ERBB4: variants seen among roughly 807,000 people sequenced by gnomAD.
ERBB4 encodes the protein erb-b2 receptor tyrosine kinase 4, also known as receptor tyrosine-protein kinase erbB-4.
ERBB4 carries 42 observed loss-of-function variants against 158.0 expected under a neutral mutation model. That is an observed-to-expected ratio of 0.27 (90% CI 0.21 to 0.34). ERBB4 has a LOEUF of 0.34. Among genes scored for constraint, ERBB4 ranks in the 10% least tolerant of loss-of-function variants. ERBB4 has a pLI of 1.00. For missense variants in ERBB4, 1,333 were observed against 1,624.1 expected (o/e 0.82, Z 3.08); for synonymous variants, 583 against 558.7 (o/e 1.04, Z -0.61).
At chr2:211,480,726 A>T (rs1037734302) in intron 20 of ERBB4, among the ~76,000 whole-genome samples, 1 of 152,104 alleles carries the variant, frequency 6.6e-6, no homozygotes, top group Non-Finnish European at 1.5e-5. Context: ...ACTTTATCTC[A>T]TTAGGCGTCA....
intron 4 of ERBB4, among the ~76,000 whole-genome samples, chr2:211,771,960 A>G (rs2075701966): frequency 6.6e-6 from 1 of 152,224 alleles, no homozygotes; most frequent in Non-Finnish European, 1.5e-5. Context: ...TTTTCATTAA[A>G]TAACCATTAC....
intron 3 of ERBB4, among the ~76,000 whole-genome samples, chr2:211,945,707 T>C (rs2080669501): frequency 6.6e-6 from 1 of 152,082 alleles, no homozygotes; most frequent in Admixed American, 6.6e-5. Flanking sequence ...AAATGTGGCA[T>C]AATTTTGATT....
At chr2:212,108,198 C>A (rs907085336) in intron 2 of ERBB4, among the ~76,000 whole-genome samples, 1 of 152,078 alleles carries the variant, frequency 6.6e-6, no homozygotes, top group Non-Finnish European at 1.5e-5. Context: ...AATAAAGACA[C>A]AGCACGAGCA....
intron 1 of ERBB4, among the ~76,000 whole-genome samples, chr2:212,522,423 T>G (rs1020210539): frequency 2.0e-5 from 3 of 151,502 alleles, no homozygotes; most frequent in African/African-American, 7.3e-5. Flanking sequence ...GCACATTAAA[T>G]TATGAAAAGC....
intron 2 of ERBB4, among the ~76,000 whole-genome samples, chr2:212,029,911 G>T (rs1521542): frequency 0.85 from 128,653 of 152,150 alleles, 55,887 homozygotes; most frequent in East Asian, 1. Flanking sequence ...CATTTGCCTC[G>T]TATATTCCTT....
rs534617247 is a variant in ERBB4, at chr2:211,579,510, G to A, written c.2302-17422C>T. 1.9e-4 allele frequency among the ~76,000 whole-genome samples: 29 copies of A among 152,184 alleles called. 1 individual carries two copies. In the Middle Eastern group the frequency reaches 0.01, roughly 54 times the overall value. ...AGATACATGCACATCTATGTTGACC[G>A]CAGCACTACTCACAATAGCAAAGAC... On this transcript the variant is annotated intron_variant, in intron 19 of 27. Coordinates refer to ENST00000342788, the MANE Select transcript of ERBB4 (RefSeq NM_005235.3).
chr2:212,289,285 G>C (rs1174635183), intron 1 of ERBB4, among the ~76,000 whole-genome samples: 1 of 152,088 alleles, frequency 6.6e-6, no homozygotes, highest in Non-Finnish European at 1.5e-5. Flanking sequence ...TCTGGTAACT[G>C]GTATTCTTTT....
At chr2:211,386,221 T>G (rs1188158402) in intron 27 of ERBB4, among the ~76,000 whole-genome samples, 1 of 152,212 alleles carries the variant, frequency 6.6e-6, no homozygotes, top group Non-Finnish European at 1.5e-5. Flanking sequence ...GTGCTTAACA[T>G]TTCTACTACT....
intron 1 of ERBB4, among the ~76,000 whole-genome samples, chr2:212,311,615 A>G (rs2087048155): frequency 6.6e-6 from 1 of 151,004 alleles, no homozygotes; most frequent in Non-Finnish European, 1.5e-5. Flanking sequence ...AATCAAAACT[A>G]TATGAAAAAA....
intron 20 of ERBB4, among the ~76,000 whole-genome samples, chr2:211,538,770 A>G (rs2066721238): frequency 6.6e-6 from 1 of 151,888 alleles, no homozygotes. Context: ...TTGATGGTAT[A>G]CATAGATGTG....
chr2:211,456,301 A>G (rs1451314217), intron 20 of ERBB4, among the ~76,000 whole-genome samples: 1 of 152,200 alleles, frequency 6.6e-6, no homozygotes, highest in Admixed American at 6.5e-5. Context: ...AGACAGTACA[A>G]TGTAAGGACA....
At chr2:211,406,996 C>T (rs1574426866) in intron 25 of ERBB4, among the ~76,000 whole-genome samples, 2 of 152,034 alleles carry the variant, frequency 1.3e-5, no homozygotes, top group East Asian at 3.9e-4. Context: ...AAGAGGATTG[C>T]TTGATCCCAG....
At chr2:211,458,450 A>T (rs879841589) in intron 20 of ERBB4, among the ~76,000 whole-genome samples, 2 of 152,086 alleles carry the variant, frequency 1.3e-5, no homozygotes, top group African/African-American at 2.4e-5. Context: ...GTATTTTAGT[A>T]GAGATGGGTT....
chr2:212,205,366 G>C (rs539269443), intron 1 of ERBB4, among the ~76,000 whole-genome samples: 41 of 152,194 alleles, frequency 2.7e-4, no homozygotes, highest in African/African-American at 8.9e-4. Flanking sequence ...CACCATGTTG[G>C]CCCCACCAAG....
intron 2 of ERBB4, among the ~76,000 whole-genome samples, chr2:212,090,088 C>T (rs1391016811): frequency 1.3e-5 from 2 of 152,112 alleles, no homozygotes; most frequent in South Asian, 2.1e-4. Context: ...CTATCAGAAA[C>T]CTGCATGGAG....
intron 3 of ERBB4, among the ~76,000 whole-genome samples, chr2:211,889,493 TCTC>T (rs1264542107): frequency 6.6e-6 from 1 of 151,448 alleles, no homozygotes; most frequent in African/African-American, 2.4e-5. Context: ...GCAGAGCGCC[TCTC>T]CTCCTCCAAA....
At chr2:211,624,688 G>A (rs1164498979) in intron 17 of ERBB4, among the ~76,000 whole-genome samples, 1 of 152,160 alleles carries the variant, frequency 6.6e-6, no homozygotes, top group Non-Finnish European at 1.5e-5. Flanking sequence ...TGAAATGCAA[G>A]GCATCAAACA....
intron 3 of ERBB4, among the ~76,000 whole-genome samples, chr2:211,898,269 T>C (rs1260547858): frequency 6.6e-6 from 1 of 152,158 alleles, no homozygotes; most frequent in Non-Finnish European, 1.5e-5. Context: ...AGTTTTTATC[T>C]AAGATAGTTT....
At chr2:212,125,114 G>C in intron 1 of ERBB4, 1 of 568,584 alleles carries the variant, frequency 1.8e-6, no homozygotes, top group Non-Finnish European at 3.1e-6. Context: ...ACAGAGAGTA[G>C]GAAGGCATAG....
Sources: allele counts gnomAD v4.1 joint callset (sites outside exome capture counted in the v4.1 genomes callset), GRCh38; gene constraint gnomAD v4.1.1; transcripts MANE v1.5; gene names NCBI Gene and HGNC (gene_info 2026-07-23, HGNC 2026-07-21).